The following ATG7 variants were observed in gnomAD, a reference collection of about 807,000 sequenced individuals.
The protein encoded by ATG7 is ubiquitin-like modifier-activating enzyme ATG7.
Under a neutral mutation model 82.4 loss-of-function variants are expected in ATG7, and 70 were observed. The observed-to-expected ratio is 0.85, with a 90% CI of 0.70 to 1.04. The LOEUF (loss-of-function observed/expected upper bound fraction) is 1.04, where lower values mean the gene tolerates loss of function less well. ATG7 is among the 50% of genes least tolerant of loss of function. ATG7 has a pLI of 0.00. For missense variants in ATG7, 792 were observed against 864.3 expected (o/e 0.92, Z 1.05); for synonymous variants, 287 against 313.0 (o/e 0.92, Z 0.88).
chr3:11,550,505 C>T (rs1478625096), intron 20 of ATG7, among the ~76,000 whole-genome samples: 2 of 152,084 alleles, frequency 1.3e-5, no homozygotes, highest in Admixed American at 1.3e-4. Context: ...AAGCTCACAC[C>T]ATCCTCCTAT....
chr3:11,451,762 G>A (rs199515034), intron 20 of ATG7, among the ~76,000 whole-genome samples: 48 of 33,714 alleles, frequency 1.4e-3, no homozygotes, highest in Middle Eastern at 0.015. Flanking sequence ...AAAATATTAC[G>A]TGTATATATA....
chr3:11,471,067 C>T (rs1023983096), intron 20 of ATG7, among the ~76,000 whole-genome samples: 2 of 152,246 alleles, frequency 1.3e-5, no homozygotes, highest in African/African-American at 2.4e-5. Flanking sequence ...CAGGCCCTAG[C>T]GAGCCCAGCC....
chr3:11,312,796 T>G (rs534788409), intron 7 of ATG7, among the ~76,000 whole-genome samples: 1 of 152,344 alleles, frequency 6.6e-6, no homozygotes, highest in East Asian at 1.9e-4. Flanking sequence ...ATGGTAACTG[T>G]TTGGAAGTTG....
chr3:11,561,891 C>CTTTTTT (rs35380668), downstream of ATG7, among the ~76,000 whole-genome samples: 20 of 88,602 alleles, frequency 2.3e-4, 1 homozygote, highest in African/African-American at 7.9e-4. Context: ...CTGCGCCAAA[C>CTTTTTT]TTTTTTTTTT....
chr3:11,470,516 G>A (rs548449703), intron 20 of ATG7, among the ~76,000 whole-genome samples: 1 of 152,302 alleles, frequency 6.6e-6, no homozygotes, highest in South Asian at 2.1e-4. Context: ...GTCATTATGT[G>A]GTGTGTCACT....
chr3:11,415,846 C>T (rs2081330442), intron 19 of ATG7, among the ~76,000 whole-genome samples: 1 of 150,990 alleles, frequency 6.6e-6, no homozygotes, highest in Non-Finnish European at 1.5e-5. Flanking sequence ...ATAAACATAA[C>T]ATAGTTGATT....
intron 20 of ATG7, among the ~76,000 whole-genome samples, chr3:11,534,181 G>A (rs559369234): frequency 6.6e-6 from 1 of 152,368 alleles, no homozygotes; most frequent in African/African-American, 2.4e-5. Context: ...CAATCTGAAT[G>A]AGAAAGGAAC....
At chr3:11,388,486 TG>T (rs2078492765) in intron 19 of ATG7, among the ~76,000 whole-genome samples, 1 of 151,422 alleles carries the variant, frequency 6.6e-6, no homozygotes, top group Admixed American at 6.6e-5. Flanking sequence ...TGGAGTGCAG[TG>T]GCGCTATCTC....
chr3:11,335,685 G>C (rs1465084355), intron 11 of ATG7, among the ~76,000 whole-genome samples: 4 of 152,086 alleles, frequency 2.6e-5, no homozygotes, highest in African/African-American at 7.2e-5. Flanking sequence ...GCTCATGCTT[G>C]ATGATGCTGA....
chr3:11,321,948 C>G (rs181052385), intron 9 of ATG7, among the ~76,000 whole-genome samples: 10 of 152,156 alleles, frequency 6.6e-5, no homozygotes, highest in Admixed American at 5.9e-4. Context: ...CTGCCTTTAC[C>G]AAAGGAAGGC....
chr3:11,426,288 T>G (rs1206207258), intron 19 of ATG7, among the ~76,000 whole-genome samples: 2 of 152,232 alleles, frequency 1.3e-5, no homozygotes, highest in Non-Finnish European at 2.9e-5. Flanking sequence ...ACTCATGCCA[T>G]GGAGCCCATT....
chr3:11,360,265 C>T (rs1444220008), intron 15 of ATG7, among the ~76,000 whole-genome samples: 3 of 152,138 alleles, frequency 2.0e-5, no homozygotes, highest in Admixed American at 6.5e-5. Flanking sequence ...AGGCTGGTCT[C>T]GAACTCCTGA....
chr3:11,342,029 C>T (rs772813520), intron 12 of ATG7, 106 bp from the exon 13 acceptor site: 9 of 1,317,996 alleles, frequency 6.8e-6, no homozygotes, highest in Admixed American at 5.3e-5. Flanking sequence ...CCTTTGATCC[C>T]AATTTCCTTA....
intron 14 of ATG7, among the ~76,000 whole-genome samples, chr3:11,349,473 G>C (rs1470667746): frequency 6.6e-6 from 1 of 152,120 alleles, no homozygotes; most frequent in Non-Finnish European, 1.5e-5. Context: ...GGTGGTCAAG[G>C]CTGCAGATTT....
intron 19 of ATG7, among the ~76,000 whole-genome samples, chr3:11,396,782 CAA>C (rs776333119): frequency 1.1e-4 from 10 of 94,244 alleles, no homozygotes; most frequent in Admixed American, 2.0e-4. Context: ...ACTCTGTCTC[CAA>C]AAAAAAAAAA....
chr3:11,565,808 C>T, the ATG7 span, among the ~76,000 whole-genome samples: 3 of 152,188 alleles, frequency 2.0e-5, no homozygotes, highest in Admixed American at 6.5e-5. This position sits in a 1 kb window ranked among gnomAD's most constrained non-coding sequence, Gnocchi z 4.1. Context: ...GGCAGCGTTA[C>T]GTGTTGCATC....
chr3:11,308,820 G>A (rs1948178220), intron 6 of ATG7, 164 bp from the exon 7 acceptor site: 1 of 661,690 alleles, frequency 1.5e-6, no homozygotes. Flanking sequence ...GAGGCAGTGT[G>A]AAGTCGGCAG....
intron 19 of ATG7, among the ~76,000 whole-genome samples, chr3:11,426,472 G>A (rs924710602): frequency 1.3e-5 from 2 of 150,864 alleles, no homozygotes; most frequent in African/African-American, 4.9e-5. Flanking sequence ...TATTTTCTTG[G>A]CTTTTCTCTC....
intron 20 of ATG7, among the ~76,000 whole-genome samples, chr3:11,546,577 T>G (rs2071310802): frequency 6.6e-6 from 1 of 152,172 alleles, no homozygotes; most frequent in African/African-American, 2.4e-5. Context: ...AGAAGAACCT[T>G]AGTTCATGGC....
Sources: gnomAD v4.1 joint callset for allele counts (sites outside exome capture counted in the v4.1 genomes callset) on GRCh38, gnomAD v4.1.1 for gene constraint, Gnocchi (gnomAD v3.1) non-coding constraint, MANE v1.5 for transcripts, NCBI Gene and HGNC (gene_info 2026-07-23, HGNC 2026-07-21) for gene names.